Variants in ZNF185 observed in about 807,000 individuals in gnomAD.
The protein encoded by ZNF185 is zinc finger protein 185.
Under a neutral mutation model 58.6 loss-of-function variants are expected in ZNF185, and 56 were observed. The ratio of observed to expected loss-of-function variants is 0.95; its 90% CI spans 0.77 to 1.19. ZNF185 has a LOEUF of 1.19. Among genes scored for constraint, ZNF185 ranks in the 50% most tolerant of loss-of-function variants. The pLI is 0.00. For synonymous variants in ZNF185, 230 were observed against 215.9 expected (o/e 1.07, Z -0.57); for missense variants, 627 against 573.5 (o/e 1.09, Z -0.95).
rs1259884424 is a variant in ZNF185 at position 152,914,868 on chromosome X, G to A, written c.158+35G>A. ...GGAGGCGGGGAGGGACCGCAGCAACGTGGGGGCGCGCAATCCGTGGGGGAC... is the reference window on the plus strand; with the variant it reads ...GGAGGCGGGGAGGGACCGCAGCAACATGGGGGCGCGCAATCCGTGGGGGAC... On this transcript the variant is annotated intron_variant, in intron 2 of 22. Transcript: ENST00000449285. 1.8e-5 allele frequency: 21 copies of A among 1,162,656 alleles called. No individual in the cohort carries two copies. In the African/African-American group the frequency reaches 2.5e-4, roughly 14 times the overall value.
chrX:152,919,312 A>G (rs1239831572), intron 7 of ZNF185, among the ~76,000 whole-genome samples: 1 of 99,333 alleles, frequency 1.0e-5, no homozygotes, highest in Non-Finnish European at 2.1e-5. Flanking sequence ...GGTAGAACCT[A>G]GGTAATGTGG....
intron 11 of ZNF185, among the ~76,000 whole-genome samples, chrX:152,923,872 CT>C (rs2125384959): frequency 8.9e-6 from 1 of 111,806 alleles, no homozygotes. Flanking sequence ...TTGGGGACCC[CT>C]GATCTAGGGG....
intron 16 of ZNF185, among the ~76,000 whole-genome samples, chrX:152,954,417 C>A (rs1248793067): frequency 8.9e-6 from 1 of 112,119 alleles, no homozygotes; most frequent in African/African-American, 3.2e-5. Flanking sequence ...GGGTAAAAAG[C>A]AGACAGCTGT....
chrX:152,959,549 G>A (rs1412906256), intron 16 of ZNF185, 150 bp from the exon 19 acceptor site: 12 of 609,246 alleles, frequency 2.0e-5, no homozygotes, highest in Non-Finnish European at 3.0e-5. Context: ...TGCTCCTTGG[G>A]GTGGGGATTG....
At chrX:152,949,220 C>T (rs1265649833) in intron 16 of ZNF185, among the ~76,000 whole-genome samples, 4 of 112,008 alleles carry the variant, frequency 3.6e-5, no homozygotes, top group Non-Finnish European at 5.6e-5. Context: ...ATGCCTGGTC[C>T]GTGGAGATCC....
chrX:152,968,645 A>G (rs782776847), intron 20 of ZNF185, among the ~76,000 whole-genome samples: 1 of 112,843 alleles, frequency 8.9e-6, no homozygotes, highest in South Asian at 3.6e-4. Flanking sequence ...GGGTCCTCCG[A>G]CAGAGCTAAC....
chrX:152,920,710 T>C, exon 9 of ZNF185: 5 of 1,211,835 alleles, frequency 4.1e-6, no homozygotes, highest in Non-Finnish European at 4.5e-6. Context: ...TTTCCAGCAG[T>C]CCTACCCAGG....
In ZNF185 at chrX:152,959,530, G is replaced by A. The variant is rs1229674160; in HGVS notation, c.1410-169G>A. ...GCACTGCGGGGGTCCTACTGAGGAG[G>A]AGACTGACTGCTCCTTGGGGTGGGG... On this transcript the variant is annotated intron_variant, in intron 16 of 22. Transcript: ENST00000449285. Among the ~76,000 whole-genome samples the A allele has an allele frequency of 2.7e-5, 3 of 112,044 alleles. No homozygotes were observed. In the Admixed American group the frequency reaches 2.8e-4, roughly 10 times the overall value.
At chrX:152,903,064 C>T in the ZNF185 span, among the ~76,000 whole-genome samples, 5 of 110,602 alleles carry the variant, frequency 4.5e-5, no homozygotes, top group Admixed American at 1.9e-4. Flanking sequence ...TGTGTGTAGG[C>T]GGGGGTGTTC....
chrX:152,941,785 C>T, intron 15 of ZNF185: 1 of 1,164,000 alleles, frequency 8.6e-7, no homozygotes. Context: ...AGAGGTCGCC[C>T]GAGGATCACG....
chrX:152,915,257 G>T (rs1938203916), intron 3 of ZNF185, 54 bp downstream of exon 4: 3 of 1,155,880 alleles, frequency 2.6e-6, no homozygotes, highest in Middle Eastern at 2.7e-4. Context: ...CTCTCCTGCA[G>T]CTTGGGGCCA....
At chrX:152,938,209 C>G in intron 15 of ZNF185, 46 bp downstream of exon 17, 1 of 1,125,745 alleles carries the variant, frequency 8.9e-7, no homozygotes, top group South Asian at 2.0e-5. Context: ...TGGAGAGAGG[C>G]AGCTTGGGCT....
chrX:152,920,795 G>A (rs1167678803), intron 9 of ZNF185, 47 bp downstream of exon 10: 1 of 1,185,884 alleles, frequency 8.4e-7, no homozygotes, highest in East Asian at 3.0e-5. Flanking sequence ...CTGGCCACAG[G>A]AAGGCCTTCC....
intron 16 of ZNF185, among the ~76,000 whole-genome samples, chrX:152,951,084 A>ATTTT: frequency 1.1e-5 from 1 of 88,631 alleles, no homozygotes; most frequent in Non-Finnish European, 2.2e-5. Context: ...AATGATCAAG[A>ATTTT]ATTTTTTTTT....
the ZNF185 span, among the ~76,000 whole-genome samples, chrX:152,900,037 A>C: frequency 1.7e-3 from 185 of 111,881 alleles, 2 homozygotes; most frequent in African/African-American, 5.7e-3. Flanking sequence ...CTTCCTGCTC[A>C]GCTCAAGTCC....
the ZNF185 span, among the ~76,000 whole-genome samples, chrX:152,900,020 C>A: frequency 8.9e-6 from 1 of 111,746 alleles, no homozygotes; most frequent in Non-Finnish European, 1.9e-5. Context: ...AGTGCTTGTC[C>A]ACCTCACTTC....
chrX:152,942,141 G>C (rs1167294245), intron 15 of ZNF185, among the ~76,000 whole-genome samples: 1 of 112,572 alleles, frequency 8.9e-6, no homozygotes, highest in African/African-American at 3.2e-5. Context: ...TTTGATGAGG[G>C]AGCGCCATGG....
exon 6 of ZNF185, chrX:152,918,068 T>C (rs781961978): frequency 8.4e-7 from 1 of 1,185,652 alleles, no homozygotes; most frequent in Admixed American, 2.4e-5. Flanking sequence ...TCTCTAGTGC[T>C]GCCAGTCTGG....
chrX:152,916,119 A>G (rs782657679), intron 3 of ZNF185, among the ~76,000 whole-genome samples: 1 of 112,016 alleles, frequency 8.9e-6, no homozygotes, highest in East Asian at 2.8e-4. Context: ...CCTAGTAAAC[A>G]GTTCAATACA....
Sources: allele counts gnomAD v4.1 joint callset (sites outside exome capture counted in the v4.1 genomes callset), GRCh38; gene constraint gnomAD v4.1.1; transcripts MANE v1.5; gene names NCBI Gene and HGNC (gene_info 2026-07-23, HGNC 2026-07-21).